Variants in CDHR2 observed in about 807,000 individuals in gnomAD.
The protein encoded by CDHR2 is cadherin-related family member 2.
In CDHR2, 104 loss-of-function variants were observed where a neutral mutation model predicts 138.6. The ratio of observed to expected loss-of-function variants is 0.75; its 90% CI spans 0.64 to 0.88. The LOEUF is 0.88. CDHR2 is among the 40% of genes least tolerant of loss of function. CDHR2 has a pLI of 0.00. For missense variants in CDHR2, 1,624 were observed against 1,727.6 expected (o/e 0.94, Z 1.06); for synonymous variants, 755 against 742.8 (o/e 1.02, Z -0.27).
chr5:176,569,117 T>A, intron 5 of CDHR2, 107 bp downstream of exon 5: 2 of 943,928 alleles, frequency 2.1e-6, no homozygotes, highest in East Asian at 5.0e-5. Context: ...GTGAATTTAA[T>A]GTTTATTTAT....
chr5:176,595,444 G>A, intron 31 of CDHR2, 88 bp from the exon 32 acceptor site: 1 of 1,389,136 alleles, frequency 7.2e-7, no homozygotes, highest in South Asian at 1.6e-5. Context: ...CACTGGTCGT[G>A]AGCTTGAAGC....
chr5:176,595,849 A>C, downstream of CDHR2: 1 of 593,968 alleles, frequency 1.7e-6, no homozygotes, highest in South Asian at 3.7e-5. Context: ...GTTTGTAGCC[A>C]AAAACTGCGG....
At chr5:176,586,095 C>A (rs1241273820) in intron 20 of CDHR2, 70 bp downstream of exon 20, 9 of 1,262,938 alleles carry the variant, frequency 7.1e-6, no homozygotes, top group Non-Finnish European at 1.0e-5. Flanking sequence ...CCCCGACAGA[C>A]CCTCCTTGGA....
chr5:176,584,622 G>A lies in CDHR2; in HGVS notation c.2341G>A (p.Glu781Lys), dbSNP rs1361619365. The A allele has an allele frequency of 1.3e-5, 21 of 1,608,338 alleles. 1 individual carries two copies. The East Asian group carries it at 4.2e-4, about 33-fold the overall frequency. The change falls in exon 19 of 32, where the codon GAG becomes AAG. Residue 781 changes from glutamate (E) to lysine (K), a missense_variant. Coordinates refer to ENST00000261944, the MANE Select transcript of CDHR2 (RefSeq NM_017675.6). ...QPVFNLTVSAENPDPQGGETI... is the reference protein window; with the variant it reads ...QPVFNLTVSAKNPDPQGGETI... The stretch of plus-strand genomic sequence containing the variant: ...CGTCTTCAACTTGACAGTGAGTGCT[G>A]AGAACCCAGACCCCCAGGGGGGTGA...
At chr5:176,568,930 C>T (rs764261366) in intron 4 of CDHR2, 30 bp from the exon 5 acceptor site, 3 of 1,613,440 alleles carry the variant, frequency 1.9e-6, no homozygotes, top group Non-Finnish European at 2.5e-6. Flanking sequence ...CGGGGGCTCA[C>T]CACCGGCCCC....
chr5:176,571,333 AG>A, intron 6 of CDHR2, 31 bp downstream of exon 6: 1 of 1,528,334 alleles, frequency 6.5e-7, no homozygotes, highest in Non-Finnish European at 8.9e-7. Flanking sequence ...GTTGTGGGGC[AG>A]GGGGCATCCC....
chr5:176,577,302 G>C, intron 12 of CDHR2, 97 bp from the exon 13 acceptor site: 1 of 1,339,868 alleles, frequency 7.5e-7, no homozygotes, highest in Non-Finnish European at 1.0e-6. Flanking sequence ...GGACCTCATC[G>C]GGCGGGGCAT....
At chr5:176,595,369 A>C (rs1250225735) in intron 31 of CDHR2, among the ~76,000 whole-genome samples, 163 bp from the exon 32 acceptor site, 1 of 151,986 alleles carries the variant, frequency 6.6e-6, no homozygotes, top group Non-Finnish European at 1.5e-5. Context: ...AGCCAGGGCC[A>C]CCTCTGGGAC....
chr5:176,542,718 G>C (rs1757478924), exon 1 of CDHR2: 1 of 152,258 alleles, frequency 6.6e-6, no homozygotes, highest in Admixed American at 6.5e-5. Flanking sequence ...GTGACCTTGG[G>C]CAAGACACGG....
At chr5:176,563,332 A>G (rs1189672461) in intron 1 of CDHR2, among the ~76,000 whole-genome samples, 2 of 152,158 alleles carry the variant, frequency 1.3e-5, no homozygotes, top group Non-Finnish European at 2.9e-5. Flanking sequence ...TGGGTGACAG[A>G]GTGAGACTCT....
chr5:176,566,235 C>T (rs752006723), intron 3 of CDHR2, among the ~76,000 whole-genome samples: 2 of 152,128 alleles, frequency 1.3e-5, no homozygotes, highest in Non-Finnish European at 2.9e-5. Flanking sequence ...GTAAAGTTTG[C>T]TTTTAAAGTA....
intron 1 of CDHR2, among the ~76,000 whole-genome samples, chr5:176,552,768 G>A (rs1229597486): frequency 1.3e-5 from 2 of 152,242 alleles, no homozygotes; most frequent in African/African-American, 4.8e-5. Context: ...AGGCAGGGAT[G>A]AGGCAAGAAA....
intron 19 of CDHR2, 68 bp from the exon 20 acceptor site, chr5:176,585,886 G>T: frequency 1.6e-6 from 2 of 1,239,918 alleles, no homozygotes; most frequent in Non-Finnish European, 2.4e-6. Context: ...TGGGGCACAG[G>T]GTTGAGGCCC....
chr5:176,555,780 G>A (rs888236131), intron 1 of CDHR2, among the ~76,000 whole-genome samples: 1 of 85,152 alleles, frequency 1.2e-5, no homozygotes, highest in Admixed American at 1.4e-4. Flanking sequence ...GGTGGCTCAC[G>A]CCTGTAATCC....
In CDHR2 at chr5:176,553,658, C is replaced by G. The variant is rs545579959; in HGVS notation, c.-16+4244C>G. On this transcript the variant is annotated intron_variant, in intron 1 of 31. Transcript: ENST00000261944. This position sits in a 1 kb window ranked among gnomAD's most constrained non-coding sequence, Gnocchi z 4.3. ...ATCCAGCCCCTGGCTGTTCCTTACA[C>G]AATGGACACCTGCAGTCTAGCAGTA... 1.8e-3 allele frequency among the ~76,000 whole-genome samples: 271 copies of G among 152,256 alleles called. 3 individuals carry two copies. Among genetic ancestry groups the G allele is most frequent in the African/African-American group, 6.3e-3 (263 of 41,538 alleles).
At position 176,585,947 on chromosome 5, in the gene CDHR2, C is replaced by T; in HGVS notation, c.2735-7C>T. On this transcript the variant is annotated splice_polypyrimidine_tract_variant and splice_region_variant and intron_variant, in intron 19 of 31. Transcript: ENST00000261944. ...CAGAGCCAAAGCCAGCTGACCTTGTCTCCTAGGAAGCCTCCTCATTACCAT... is the reference window on the plus strand; with the variant it reads ...CAGAGCCAAAGCCAGCTGACCTTGTTTCCTAGGAAGCCTCCTCATTACCAT... The T allele has an allele frequency of 6.2e-7, 1 of 1,611,986 alleles. No individual in the cohort carries two copies. Among genetic ancestry groups the T allele is most frequent in the Non-Finnish European group, 8.5e-7 (1 of 1,178,236 alleles).
intron 1 of CDHR2, among the ~76,000 whole-genome samples, chr5:176,550,810 C>G (rs567259118): frequency 6.6e-6 from 1 of 152,182 alleles, no homozygotes; most frequent in Admixed American, 6.5e-5. Context: ...GGTATCCTCA[C>G]TCCCAGTGGT....
Position 176,574,057 on chromosome 5 carries a change from C to T in CDHR2, c.406-26C>T, listed in dbSNP as rs375699664. On this transcript the variant is annotated intron_variant, in intron 6 of 31. Coordinates refer to ENST00000261944, the MANE Select transcript of CDHR2 (RefSeq NM_017675.6). ...GGAGAGGAGGAGCTGGATTTGAGCTCATAGGTGACGAGTCCCTCCCTGCAG... is the reference window on the plus strand; with the variant it reads ...GGAGAGGAGGAGCTGGATTTGAGCTTATAGGTGACGAGTCCCTCCCTGCAG... 2.5e-6 allele frequency: 4 copies of T among 1,584,210 alleles called. No homozygotes were observed. In the African/African-American group the frequency reaches 5.4e-5, roughly 21 times the overall value.
rs115068160 is a variant in CDHR2 at position 176,584,699 on chromosome 5, C to T, written c.2418C>T (p.Pro806=). The change falls in exon 19 of 32, where the codon CCC becomes CCT. Residue 806 remains proline (P), a synonymous_variant. Transcript: ENST00000261944. ...TGAAAGACGTGAACGACAATCCCCC[C>T]ACCCTGGATGTAGCCTCACTCCGGG... ...VNVKDVNDNP[P]TLDVASLRGI... The T allele has an allele frequency of 4.3e-6, 7 of 1,614,168 alleles. No individual in the cohort carries two copies. Among genetic ancestry groups the T allele is most frequent in the Non-Finnish European group, 5.9e-6 (7 of 1,180,024 alleles).
Sources: allele counts gnomAD v4.1 joint callset (sites outside exome capture counted in the v4.1 genomes callset), GRCh38; gene constraint gnomAD v4.1.1; non-coding constraint Gnocchi (gnomAD v3.1); transcripts MANE v1.5; gene names NCBI Gene and HGNC (gene_info 2026-07-23, HGNC 2026-07-21).